The following ALK variants were observed in gnomAD, a reference collection of about 807,000 sequenced individuals.
The protein encoded by ALK is ALK receptor tyrosine kinase, also known as ALK tyrosine kinase receptor.
ALK carries 74 observed loss-of-function variants against 163.1 expected under a neutral mutation model. The ratio of observed to expected loss-of-function variants is 0.45; its 90% CI spans 0.38 to 0.55. The LOEUF is 0.55. ALK is among the 20% of genes least tolerant of loss of function. ALK has a pLI of 0.00. For missense variants in ALK, 2,063 were observed against 2,105.3 expected, an observed-to-expected ratio of 0.98 and a Z score of 0.39; for synonymous variants, 960 against 843.2, an observed-to-expected ratio of 1.14 and a Z score of -2.40.
chr2:29,903,949 T>C (rs554919451), intron 1 of ALK, among the ~76,000 whole-genome samples: 2 of 152,218 alleles, frequency 1.3e-5, no homozygotes, highest in South Asian at 4.1e-4. Context: ...AGGACAGAGA[T>C]TAGAACTCAC....
chr2:29,441,138 G>A lies in ALK; in HGVS notation c.1155-57279C>T, dbSNP rs548860970. The stretch of plus-strand genomic sequence containing the variant: ...GTAGTGCTGGCACGCCCTGCTCAGG[G>A]GCAGAACCTACTCTAGATCTGTCTA... On this transcript the variant is annotated intron_variant, in intron 4 of 28. Transcript: ENST00000389048. Among the ~76,000 whole-genome samples, 10 of 152,334 alleles carry A rather than the reference G, an allele frequency of 6.6e-5. No homozygotes were observed. In the East Asian group the frequency reaches 1.7e-3, roughly 26 times the overall value.
chr2:29,910,735 C>T (rs957073534), intron 1 of ALK, among the ~76,000 whole-genome samples: 5 of 152,260 alleles, frequency 3.3e-5, no homozygotes, highest in South Asian at 2.1e-4. Flanking sequence ...AAAGTATACC[C>T]AGTGAAAATC....
chr2:29,833,940 G>T (rs1369470322), intron 1 of ALK, among the ~76,000 whole-genome samples: 1 of 152,132 alleles, frequency 6.6e-6, no homozygotes, highest in African/African-American at 2.4e-5. Flanking sequence ...AATATCAACT[G>T]CACTCCTCAG....
At chr2:29,762,640 T>C (rs1180608014) in intron 1 of ALK, among the ~76,000 whole-genome samples, 1 of 152,170 alleles carries the variant, frequency 6.6e-6, no homozygotes, top group Non-Finnish European at 1.5e-5. Flanking sequence ...CTTAGAGACA[T>C]AGACATATGT....
intron 3 of ALK, among the ~76,000 whole-genome samples, chr2:29,687,631 A>G (rs1483114070): frequency 6.6e-6 from 1 of 152,176 alleles, no homozygotes; most frequent in East Asian, 1.9e-4. Flanking sequence ...AAGGAAATGA[A>G]AATCACTAAT....
At chr2:29,642,564 T>A (rs1368337252) in intron 3 of ALK, among the ~76,000 whole-genome samples, 4 of 152,196 alleles carry the variant, frequency 2.6e-5, no homozygotes, top group Admixed American at 6.5e-5. Flanking sequence ...ACTTCAAATC[T>A]GGGTCGGCAT....
chr2:29,639,988 A>G (rs1204980747), intron 3 of ALK, among the ~76,000 whole-genome samples: 1 of 152,212 alleles, frequency 6.6e-6, no homozygotes, highest in African/African-American at 2.4e-5. Context: ...GGGATAAAAC[A>G]TATTTTAATC....
chr2:29,748,993 C>A (rs1680281368), intron 1 of ALK, among the ~76,000 whole-genome samples: 1 of 152,194 alleles, frequency 6.6e-6, no homozygotes, highest in Admixed American at 6.5e-5. Flanking sequence ...GATCCACCTG[C>A]CTTGGCCTCC....
chr2:29,607,733 A>G (rs998771340), intron 3 of ALK, among the ~76,000 whole-genome samples: 42 of 151,406 alleles, frequency 2.8e-4, no homozygotes, highest in African/African-American at 1.0e-3. Context: ...GGTTCCTCTC[A>G]CCTCCTTGAC....
chr2:29,864,525 C>A (rs1666376438), intron 1 of ALK, among the ~76,000 whole-genome samples: 1 of 152,196 alleles, frequency 6.6e-6, no homozygotes. Context: ...TTCCATGATA[C>A]CAAGAATCAC....
intron 1 of ALK, among the ~76,000 whole-genome samples, chr2:29,904,556 G>C (rs367763616): frequency 2.0e-5 from 3 of 152,160 alleles, no homozygotes; most frequent in East Asian, 3.8e-4. Context: ...AATATCTTCA[G>C]TGCTCTAACC....
chr2:29,683,957 C>A (rs543399138), intron 3 of ALK, among the ~76,000 whole-genome samples: 1 of 152,132 alleles, frequency 6.6e-6, no homozygotes, highest in Non-Finnish European at 1.5e-5. Flanking sequence ...GTAAAATGAC[C>A]CCCAGATCCC....
At chr2:29,866,688 T>C (rs1218803635) in intron 1 of ALK, among the ~76,000 whole-genome samples, 3 of 152,122 alleles carry the variant, frequency 2.0e-5, no homozygotes, top group African/African-American at 7.2e-5. Context: ...AAGGAAGAAT[T>C]AAAGTTAAAG....
chr2:29,497,434 A>C (rs1449193417), intron 4 of ALK, among the ~76,000 whole-genome samples: 5 of 152,080 alleles, frequency 3.3e-5, no homozygotes, highest in Non-Finnish European at 1.5e-5. Context: ...GCTCAAATAG[A>C]AACAGAACCT....
intron 4 of ALK, among the ~76,000 whole-genome samples, chr2:29,393,130 G>C: frequency 6.6e-6 from 1 of 152,088 alleles, no homozygotes; most frequent in Non-Finnish European, 1.5e-5. Context: ...CCCATCATTT[G>C]AGTTCCACAC....
intron 4 of ALK, among the ~76,000 whole-genome samples, chr2:29,514,927 C>G (rs1335688513): frequency 6.6e-6 from 1 of 152,168 alleles, no homozygotes; most frequent in Non-Finnish European, 1.5e-5. Flanking sequence ...CAGTTCCATC[C>G]TTAAACTCTA....
At chr2:29,462,093 G>T (rs996735817) in intron 4 of ALK, among the ~76,000 whole-genome samples, 1 of 152,132 alleles carries the variant, frequency 6.6e-6, no homozygotes, top group Non-Finnish European at 1.5e-5. Context: ...CTCCAAAGAT[G>T]TGTCTGAATT....
At chr2:29,909,480 C>CAGAGAGAGAGAGAGAGAGAG (rs369360033) in intron 1 of ALK, among the ~76,000 whole-genome samples, 14 of 135,980 alleles carry the variant, frequency 1.0e-4, no homozygotes, top group South Asian at 5.2e-4. Context: ...GACAGACAGA[C>CAGAGAGAGAGAGAGAGAGAG]AGAGAGAGAG....
chr2:29,691,791 T>C (rs1678405158), intron 3 of ALK, among the ~76,000 whole-genome samples: 2 of 152,198 alleles, frequency 1.3e-5, no homozygotes, highest in South Asian at 4.1e-4. Flanking sequence ...AAGTGAAATG[T>C]ACAATTTATT....
Sources: gnomAD v4.1 joint callset for allele counts (sites outside exome capture counted in the v4.1 genomes callset) on GRCh38, gnomAD v4.1.1 for gene constraint, MANE v1.5 for transcripts, NCBI Gene and HGNC (gene_info 2026-07-23, HGNC 2026-07-21) for gene names.